Variants in AKT2 observed in about 807,000 individuals in gnomAD.
The protein encoded by AKT2 is AKT serine/threonine kinase 2, also known as RAC-beta serine/threonine-protein kinase.
A neutral mutation model predicts 58.6 loss-of-function variants in AKT2; 16 were observed. The ratio of observed to expected loss-of-function variants is 0.27; its 90% confidence interval spans 0.18 to 0.41. The LOEUF is 0.41. AKT2 is among the 10% of genes least tolerant of loss of function. The pLI is 1.00. For missense variants in AKT2, 438 were observed against 661.0 expected, an observed-to-expected ratio of 0.66 and a Z score of 3.70; for synonymous variants, 253 against 254.0, an observed-to-expected ratio of 1.00 and a Z score of 0.04.
At chr19:40,266,838 T>C (rs1276220847) in intron 1 of AKT2, among the ~76,000 whole-genome samples, 1 of 152,194 alleles carries the variant, frequency 6.6e-6, no homozygotes, top group Non-Finnish European at 1.5e-5. Flanking sequence ...GGCATGGTGC[T>C]GTGCACCTGT....
chr19:40,275,101 C>A (rs966697990), intron 1 of AKT2: 1 of 456,784 alleles, frequency 2.2e-6, no homozygotes, highest in East Asian at 6.9e-5. Flanking sequence ...TCGGTGAATA[C>A]CCACAGCGAG....
intron 1 of AKT2, among the ~76,000 whole-genome samples, chr19:40,272,462 C>T (rs1263845769): frequency 3.3e-5 from 5 of 152,206 alleles, no homozygotes; most frequent in African/African-American, 1.2e-4. Context: ...TGTGCTGACA[C>T]TGGGACCATC....
Position 40,233,025 on chromosome 19 carries a change from AGAG to A in AKT2, c.*844_*846del, listed in dbSNP as rs986776044. The A allele has an allele frequency of 3.9e-5, 8 of 206,502 alleles. No individual in the cohort carries two copies. Among genetic ancestry groups the A allele is most frequent in the African/African-American group, 1.7e-4 (7 of 41,732 alleles). 12.8% of individuals were successfully genotyped at this position (206,502 alleles called of 1,614,324 possible). On this transcript the variant is annotated 3_prime_UTR_variant, in exon 14 of 14. Coordinates refer to ENST00000392038, the MANE Select transcript of AKT2 (RefSeq NM_001626.6). This position sits in a 1 kb window ranked among gnomAD's most constrained non-coding sequence, Gnocchi z 4.3. ...AAGGCTGGTGGCCCTCCACCCCCGCAGAGGAGAGGGTGAGCCCAGCCCATAGCC... is the reference window on the plus strand; with the variant it reads ...AAGGCTGGTGGCCCTCCACCCCCGCAGAGAGGGTGAGCCCAGCCCATAGCC...
chr19:40,241,509 T>C (rs958363392), intron 6 of AKT2: 3 of 271,520 alleles, frequency 1.1e-5, no homozygotes, highest in Middle Eastern at 1.4e-3. Flanking sequence ...AATATTTATT[T>C]TCTTTTTAAA....
chr19:40,264,422 C>T (rs1475648676), intron 2 of AKT2, among the ~76,000 whole-genome samples: 1 of 152,170 alleles, frequency 6.6e-6, no homozygotes, highest in Non-Finnish European at 1.5e-5. Flanking sequence ...CATCGGCTCA[C>T]GACATCACAG....
chr19:40,283,606 C>G (rs1022665916), intron 1 of AKT2, among the ~76,000 whole-genome samples: 4 of 152,174 alleles, frequency 2.6e-5, no homozygotes, highest in Non-Finnish European at 5.9e-5. Context: ...ACTCCAGACC[C>G]AGAGCAAAGG....
At chr19:40,257,719 A>G (rs1469107842) in intron 2 of AKT2, among the ~76,000 whole-genome samples, 1 of 152,174 alleles carries the variant, frequency 6.6e-6, no homozygotes, top group African/African-American at 2.4e-5. Flanking sequence ...CATTATTCAT[A>G]ACAGCCATCG....
At chr19:40,283,192 G>A (rs1018136084) in intron 1 of AKT2, 1 of 152,410 alleles carries the variant, frequency 6.6e-6, no homozygotes, top group Non-Finnish European at 1.5e-5. Context: ...CATCTAAAAG[G>A]GAGAGCATAA....
In AKT2 at chr19:40,233,877, C is replaced by G. The variant is rs1044344132; in HGVS notation, c.1441G>C (p.Glu481Gln). 6.2e-7 allele frequency: 1 copy of G among 1,611,176 alleles called. No individual in the cohort carries two copies. Among genetic ancestry groups the G allele is most frequent in the Non-Finnish European group, 8.5e-7 (1 of 1,179,920 alleles). The stretch of plus-strand genomic sequence containing the variant: ...CCTCTGCGTGGGCAGACTGCTCACT[C>G]GCGGATGCTGGCCGAGTAGGAGAAC... The part of the protein sequence containing the change: ...PQFSYSASIR[E>Q] The change falls in exon 14 of 14, where the codon GAG becomes CAG. Residue 481 changes from glutamate (E) to glutamine (Q), a missense_variant. Physicochemically the swap from Glu to Gln is conservative, Grantham distance 29. This residue lies in a region of AKT2 where 148 missense variants were observed against 199.5 expected (regional missense o/e 0.74). Coordinates refer to ENST00000392038, the MANE Select transcript of AKT2 (RefSeq NM_001626.6). This position sits in a 1 kb window ranked among gnomAD's most constrained non-coding sequence, Gnocchi z 4.3.
intron 4 of AKT2, among the ~76,000 whole-genome samples, chr19:40,252,452 TA>T (rs1242098007): frequency 2.0e-5 from 3 of 152,204 alleles, no homozygotes; most frequent in Non-Finnish European, 4.4e-5. Flanking sequence ...CTCTCCTGCC[TA>T]CTAAAACACC....
At chr19:40,272,478 T>G (rs552359448) in intron 1 of AKT2, among the ~76,000 whole-genome samples, 1 of 152,262 alleles carries the variant, frequency 6.6e-6, no homozygotes, top group East Asian at 1.9e-4. Context: ...CCATCAGCAT[T>G]CGCTAACGAA....
chr19:40,261,254 C>T (rs1180349822), intron 2 of AKT2, among the ~76,000 whole-genome samples: 5 of 152,170 alleles, frequency 3.3e-5, no homozygotes, highest in Middle Eastern at 3.2e-3. Flanking sequence ...CGAGTTCGGC[C>T]AGGCGCAATG....
intron 7 of AKT2, chr19:40,239,296 C>A (rs1974233276): frequency 3.4e-6 from 1 of 296,680 alleles, no homozygotes; most frequent in Non-Finnish European, 6.4e-6. Flanking sequence ...CTTACACACA[C>A]AAGTGATGTC....
chr19:40,243,470 G>A (rs1191169551), intron 4 of AKT2: 1 of 152,494 alleles, frequency 6.6e-6, no homozygotes, highest in Non-Finnish European at 1.5e-5. Context: ...TCCCTGGAGG[G>A]GACAGTCCAC....
In AKT2 at chr19:40,237,261, A is replaced by G. The variant is rs2145173416; in HGVS notation, c.831+708T>C. 1 of 153,910 alleles carries G rather than the reference A, an allele frequency of 6.5e-6. No homozygotes were observed. The highest frequency in any genetic ancestry group is 1.9e-4 in the East Asian group (1 of 5,196). The allele number at this position is 153,910 out of a possible 1,614,324, so 9.5% of individuals were successfully genotyped here. A position where few individuals can be genotyped will look rare whatever the true frequency, so the allele number is the denominator to read the frequency against. On this transcript the variant is annotated intron_variant, in intron 9 of 13. Coordinates refer to ENST00000392038, the MANE Select transcript of AKT2 (RefSeq NM_001626.6). The surrounding 1 kb of genome is among the most constrained non-coding windows in gnomAD (Gnocchi z 4.5). ...AGTCCTGCTGCTGAGTGAGGGGGACACTTTCTAAGGTGAGTGTGTGTCCCC... is the reference window on the plus strand; with the variant it reads ...AGTCCTGCTGCTGAGTGAGGGGGACGCTTTCTAAGGTGAGTGTGTGTCCCC...
intron 4 of AKT2, among the ~76,000 whole-genome samples, chr19:40,250,861 T>G (rs890991359): frequency 6.6e-6 from 1 of 151,934 alleles, no homozygotes; most frequent in African/African-American, 2.4e-5. Flanking sequence ...TGATGCACTA[T>G]TAAGTATTCT....
At chr19:40,241,697 C>G in intron 6 of AKT2, 1 of 577,008 alleles carries the variant, frequency 1.7e-6, no homozygotes, top group Non-Finnish European at 3.0e-6. Flanking sequence ...GGGTGGGGCC[C>G]CGAGGCTCTC....
rs1568519097 is a variant in AKT2 at position 40,236,062 on chromosome 19, C to T, written c.1003G>A (p.Gly335Arg). 1 of 1,614,024 alleles carries T rather than the reference C, an allele frequency of 6.2e-7. No individual in the cohort carries two copies. Among genetic ancestry groups the T allele is most frequent in the Non-Finnish European group, 8.5e-7 (1 of 1,180,028 alleles). The change falls in exon 11 of 14, where the codon GGG becomes AGG. Residue 335 changes from glycine to arginine, a missense_variant. Coordinates refer to ENST00000392038, the MANE Select transcript of AKT2 (RefSeq NM_001626.6). ...ATCTCGTACATGACCACACCCAGCCCCCACCAGTCCACGGCCCGGCCATAG... is the reference window on the plus strand; with the variant it reads ...ATCTCGTACATGACCACACCCAGCCTCCACCAGTCCACGGCCCGGCCATAG... ...NDYGRAVDWWGLGVVMYEMMC... is the reference protein window; with the variant it reads ...NDYGRAVDWWRLGVVMYEMMC...
At chr19:40,282,594 C>T (rs1475211626) in intron 1 of AKT2, 1 of 525,226 alleles carries the variant, frequency 1.9e-6, no homozygotes, top group Admixed American at 2.0e-5. Flanking sequence ...AGGTAGAGGA[C>T]AGAGGACAGA....
Sources: allele counts gnomAD v4.1 joint callset (sites outside exome capture counted in the v4.1 genomes callset), GRCh38; gene constraint gnomAD v4.1.1; regional missense constraint gnomAD v4.1.1; non-coding constraint Gnocchi (gnomAD v3.1); transcripts MANE v1.5; gene names NCBI Gene and HGNC (gene_info 2026-07-23, HGNC 2026-07-21).